The following BPIFB6 variants were observed in gnomAD, a reference collection of about 807,000 sequenced individuals.
BPIFB6 encodes the protein BPI fold containing family B member 6, also known as BPI fold-containing family B member 6.
BPIFB6 carries 47 observed loss-of-function variants against 54.7 expected under a neutral mutation model. The observed-to-expected ratio is 0.86, with a 90% CI of 0.68 to 1.10. The LOEUF (loss-of-function observed/expected upper bound fraction) is 1.10. BPIFB6 is among the 50% of genes least tolerant of loss of function. The pLI is 0.00. For synonymous variants in BPIFB6, 255 were observed against 225.9 expected (o/e 1.13, Z -1.16); for missense variants, 603 against 564.1 (o/e 1.07, Z -0.70).
intron 4 of BPIFB6, 69 bp from the exon 5 acceptor site, chr20:33,035,012 C>T (rs1979272694): frequency 6.2e-7 from 1 of 1,609,188 alleles, no homozygotes; most frequent in Non-Finnish European, 8.5e-7. Flanking sequence ...CATGCCCCTT[C>T]ATGTCCTGTG....
intron 2 of BPIFB6, 36 bp from the exon 3 acceptor site, chr20:33,034,150 C>T: frequency 4.6e-6 from 7 of 1,508,936 alleles, no homozygotes; most frequent in Non-Finnish European, 6.5e-6. Flanking sequence ...CTTGCCTGCT[C>T]AGATCTTATT....
chr20:33,037,398 T>C (rs574558859), intron 7 of BPIFB6, among the ~76,000 whole-genome samples, 164 bp from the exon 8 acceptor site: 56 of 152,266 alleles, frequency 3.7e-4, no homozygotes, highest in African/African-American at 1.3e-3. Context: ...ACCTGTACAC[T>C]GGGAGGTTTG....
chr20:33,038,766 C>A, intron 8 of BPIFB6, 143 bp from the exon 9 acceptor site: 1 of 807,342 alleles, frequency 1.2e-6, no homozygotes, highest in Non-Finnish European at 2.2e-6. Flanking sequence ...GCCCAGAAGG[C>A]ACAATATTTA....
intron 14 of BPIFB6, 27 bp downstream of exon 14, chr20:33,043,394 T>A (rs778527445): frequency 1.3e-6 from 2 of 1,597,806 alleles, no homozygotes; most frequent in Admixed American, 3.3e-5. Context: ...GGGGAGGTCA[T>A]GTCAATCAAC....
Position 33,038,829 on chromosome 20 carries a change from C to A in BPIFB6, c.847-80C>A, listed in dbSNP as rs562367587. The stretch of plus-strand genomic sequence containing the variant: ...ATGAAGGGAGCCTCAAAGGGTACAC[C>A]TTGTTAAGTCAGTGGAGATGTTTGT... On this transcript the variant is annotated intron_variant, in intron 8 of 14. Transcript: ENST00000349552. 1.2e-5 allele frequency: 16 copies of A among 1,355,946 alleles called. No homozygotes were observed. The Admixed American group carries it at 2.5e-4, about 21-fold the overall frequency. 84.0% of individuals were successfully genotyped at this position (1,355,946 alleles called of 1,614,324 possible). A position where few individuals can be genotyped will look rare whatever the true frequency, so the allele number is the denominator to read the frequency against.
intron 6 of BPIFB6, 66 bp from the exon 7 acceptor site, chr20:33,036,379 G>A: frequency 7.3e-7 from 1 of 1,378,998 alleles, no homozygotes; most frequent in South Asian, 1.4e-5. Flanking sequence ...CAGCTGGCTG[G>A]TGCCAGCTTC....
chr20:33,042,890 A>G lies in BPIFB6; in HGVS notation c.1252+12A>G, dbSNP rs762349415. 6.2e-6 allele frequency: 10 copies of G among 1,613,262 alleles called. No individual in the cohort carries two copies. In the East Asian group the frequency reaches 1.8e-4, roughly 29 times the overall value. On this transcript the variant is annotated intron_variant, in intron 13 of 14. Coordinates refer to ENST00000349552, the MANE Select transcript of BPIFB6 (RefSeq NM_174897.2). The stretch of plus-strand genomic sequence containing the variant: ...CCCAGTTGTCAATGGTGAGGGTTCC[A>G]AAAGGCTTTGGACCATGGTGCCAAG...
Position 33,035,124 on chromosome 20 carries a change from C to A in BPIFB6, c.496C>A (p.His166Asn). The change falls in exon 5 of 15, where the codon CAC (histidine) becomes AAC (asparagine). Residue 166 changes from histidine (H) to asparagine (N), a missense_variant. Coordinates refer to ENST00000349552, the MANE Select transcript of BPIFB6 (RefSeq NM_174897.2). ...CAACAAGTTCCTGGACAGCACCCTGCACAAAGTCCTCCCTGGGCTGGTGAG... is the reference window on the plus strand; with the variant it reads ...CAACAAGTTCCTGGACAGCACCCTGAACAAAGTCCTCCCTGGGCTGGTGAG... ...MVNKFLDSTL[H>N]KVLPGLMCPA... is the part of the protein sequence containing the mutation. 6.2e-7 allele frequency: 1 copy of A among 1,613,954 alleles called. No homozygotes were observed. The highest frequency in any genetic ancestry group is 8.5e-7 in the Non-Finnish European group (1 of 1,180,022).
chr20:33,032,099 T>C lies in BPIFB6; in HGVS notation c.97+355T>C, dbSNP rs115423978. Among the ~76,000 whole-genome samples, 1,519 of 152,318 alleles carry C rather than the reference T, an allele frequency of 1.0e-2. 21 individuals carry two copies. Among genetic ancestry groups the C allele is most frequent in the African/African-American group, 0.034 (1,423 of 41,568 alleles). ...TGCTGTGTGACCTCAGGCAAGTTACTTGGCCTCCCTGTGTTGCTGTTTGCT... is the reference window on the plus strand; with the variant it reads ...TGCTGTGTGACCTCAGGCAAGTTACCTGGCCTCCCTGTGTTGCTGTTTGCT... On this transcript the variant is annotated intron_variant, in intron 1 of 14. Transcript: ENST00000349552.
rs571039564 is a variant in BPIFB6 at position 33,040,966 on chromosome 20, G to GAA, written c.1142+651_1142+652dup. The stretch of plus-strand genomic sequence containing the variant: ...AAGGGAATCCTTGGCTCATATAACT[G>GAA]AAAACTTTAGGAGTAGTTCTTTTTT... On this transcript the variant is annotated intron_variant, in intron 11 of 14. Coordinates refer to ENST00000349552, the MANE Select transcript of BPIFB6 (RefSeq NM_174897.2). Among the ~76,000 whole-genome samples the GAA allele has an allele frequency of 1.1e-3, 169 of 149,940 alleles. 1 individual carries two copies. Among genetic ancestry groups the GAA allele is most frequent in the African/African-American group, 4.0e-3 (164 of 40,944 alleles).
rs975270517 is a variant in BPIFB6, at chr20:33,037,458, G to A, written c.670-104G>A. ...TCTTAATAAGATTTAATGATTTGCT[G>A]ACTTTGGGTTTGGCTGGAGCCCCAT... On this transcript the variant is annotated intron_variant, in intron 7 of 14. Coordinates refer to ENST00000349552, the MANE Select transcript of BPIFB6 (RefSeq NM_174897.2). 2.6e-6 allele frequency: 3 copies of A among 1,139,164 alleles called. No homozygotes were observed. The African/African-American group carries it at 4.7e-5, about 18-fold the overall frequency. The allele number at this position is 1,139,164 out of a possible 1,614,324, so 70.6% of individuals were successfully genotyped here.
intron 1 of BPIFB6, 66 bp from the exon 2 acceptor site, chr20:33,032,918 A>G: frequency 2.3e-6 from 3 of 1,296,288 alleles, no homozygotes; most frequent in Non-Finnish European, 3.4e-6. Context: ...AGTGACGGTG[A>G]GTGGCCTGGG....
At chr20:33,032,795 G>A (rs1256196482) in intron 1 of BPIFB6, among the ~76,000 whole-genome samples, 189 bp from the exon 2 acceptor site, 1 of 152,152 alleles carries the variant, frequency 6.6e-6, no homozygotes, top group African/African-American at 2.4e-5. Flanking sequence ...CCCTCGTGCG[G>A]CTCCTACAGC....
At chr20:33,035,538 G>A (rs1237096839) in intron 5 of BPIFB6, 74 bp from the exon 6 acceptor site, 48 of 1,486,236 alleles carry the variant, frequency 3.2e-5, no homozygotes, top group South Asian at 2.0e-4. Flanking sequence ...GGGATGGCCC[G>A]TGGTGTACCA....
Position 33,039,487 on chromosome 20 carries a change from C to G in BPIFB6, c.1041C>G (p.Ser347Arg). The change falls in exon 10 of 15, where the codon AGC (serine) becomes AGG (arginine). Residue 347 changes from serine to arginine, a missense_variant. Ser to Arg is a moderately radical substitution (Grantham distance 110, BLOSUM62 -1). Coordinates refer to ENST00000349552, the MANE Select transcript of BPIFB6 (RefSeq NM_174897.2). ...AGATGTTCGCAGCTCGGTGGCGGAG[C>G]AAGGCTCCAATGTCCCTCTTTCTCC... is the stretch of plus-strand genomic sequence containing the variant. The part of the protein sequence containing the change: ...TLEMFAARWR[S>R]KAPMSLFLLE... The G allele has an allele frequency of 5.0e-6, 8 of 1,613,270 alleles. No individual in the cohort carries two copies. The highest frequency in any genetic ancestry group is 1.1e-5 in the South Asian group (1 of 90,828).
At position 33,033,042 on chromosome 20, in the gene BPIFB6, C is replaced by A. The variant is rs758327145; in HGVS notation, c.156C>A (p.Gly52=). The part of the protein sequence containing the change: ...HILEKMAAEA[G]KKQPGMKPIK... Reference sequence around the variant, plus strand: ...TGGAGAAGATGGCAGCCGAGGCAGGCAAGAAACAGCCAGGGATGAAACCTA... The same window carrying A: ...TGGAGAAGATGGCAGCCGAGGCAGGAAAGAAACAGCCAGGGATGAAACCTA... The change falls in exon 2 of 15, where the codon GGC becomes GGA. Residue 52 remains glycine, a synonymous_variant. Transcript: ENST00000349552. 1.9e-6 allele frequency: 3 copies of A among 1,613,880 alleles called. No homozygotes were observed. Among genetic ancestry groups the A allele is most frequent in the Admixed American group, 1.7e-5 (1 of 60,004 alleles).
Position 33,042,927 on chromosome 20 carries a change from G to T in BPIFB6, c.1252+49G>T, listed in dbSNP as rs143686417. 1.2e-4 allele frequency: 187 copies of T among 1,567,550 alleles called. No homozygotes were observed. The East Asian group carries it at 3.2e-3, about 27-fold the overall frequency. Reference sequence around the variant, plus strand: ...ACCATGGTGCCAAGAAGCACTTTAAGCAATAAGGGATGCCACCTGGGTGGT... The same window carrying T: ...ACCATGGTGCCAAGAAGCACTTTAATCAATAAGGGATGCCACCTGGGTGGT... On this transcript the variant is annotated intron_variant, in intron 13 of 14. Coordinates refer to ENST00000349552, the MANE Select transcript of BPIFB6 (RefSeq NM_174897.2).
chr20:33,039,280 C>A, intron 9 of BPIFB6, 67 bp from the exon 10 acceptor site: 1 of 1,466,394 alleles, frequency 6.8e-7, no homozygotes, highest in Non-Finnish European at 9.2e-7. Context: ...TCTTGAGGGA[C>A]CCCTTATTTC....
chr20:33,041,847 A>G (rs1323800013), intron 11 of BPIFB6, 123 bp from the exon 12 acceptor site: 7 of 803,870 alleles, frequency 8.7e-6, no homozygotes, highest in East Asian at 7.9e-5. Flanking sequence ...TGAAGGCTGT[A>G]GAGGGGACTC....
Sources: gnomAD v4.1 joint callset for allele counts (sites outside exome capture counted in the v4.1 genomes callset) on GRCh38, gnomAD v4.1.1 for gene constraint, MANE v1.5 for transcripts, NCBI Gene and HGNC (gene_info 2026-07-23, HGNC 2026-07-21) for gene names.